Variants in SCN2A observed in about 807,000 individuals in gnomAD.
The protein encoded by SCN2A is sodium channel protein type 2 subunit alpha.
A neutral mutation model predicts 188.7 loss-of-function variants in SCN2A; 20 were observed. That is an observed-to-expected ratio of 0.11 (90% CI 0.07 to 0.15). The LOEUF is 0.15. Ranked by LOEUF, SCN2A falls within the 10% of genes least tolerant of loss-of-function variation. The probability of loss-of-function intolerance (pLI) is 1.00; values close to 1 mark genes in which losing one functional copy is unlikely to be tolerated. For synonymous variants in SCN2A, 804 were observed against 833.1 expected (o/e 0.97, Z 0.60); for missense variants, 1,278 against 2,445.0 (o/e 0.52, Z 10.07).
At chr2:165,383,369 T>G (rs1383856068) in intron 25 of SCN2A, among the ~76,000 whole-genome samples, 1 of 152,036 alleles carries the variant, frequency 6.6e-6, no homozygotes, top group Non-Finnish European at 1.5e-5. Flanking sequence ...AGAAGGGGAA[T>G]GAATTTGTGA....
intron 14 of SCN2A, among the ~76,000 whole-genome samples, chr2:165,336,693 C>A (rs1249646415): frequency 1.3e-5 from 2 of 151,958 alleles, no homozygotes; most frequent in East Asian, 1.9e-4. Context: ...GAATATATTA[C>A]AAGCCACTGA....
intron 17 of SCN2A, among the ~76,000 whole-genome samples, chr2:165,354,968 A>C (rs1372011914): frequency 6.6e-6 from 1 of 152,154 alleles, no homozygotes; most frequent in Admixed American, 6.5e-5. Context: ...AAAATGCCTC[A>C]ATTTCTCCAC....
At chr2:165,330,174 T>G (rs1407971956) in intron 13 of SCN2A, among the ~76,000 whole-genome samples, 1 of 152,168 alleles carries the variant, frequency 6.6e-6, no homozygotes. Context: ...AGTATTAAAG[T>G]GACTGACTAG....
At chr2:165,327,543 G>T (rs1698426694) in intron 13 of SCN2A, 1 of 155,618 alleles carries the variant, frequency 6.4e-6, no homozygotes, top group Non-Finnish European at 1.4e-5. Flanking sequence ...TAGCAGTCTG[G>T]ATCTCAGAAT....
rs181178548 is a variant in SCN2A at position 165,239,716 on chromosome 2, G to A, written c.-52+76G>A. On this transcript the variant is annotated intron_variant, in intron 1 of 26. Coordinates refer to ENST00000375437, the MANE Select transcript of SCN2A (RefSeq NM_001040142.2). ...TTAAGAATGACATTTAATATAAGAT[G>A]TGTGCTTTGTTAGCTTGTATTCAGA... The A allele has an allele frequency of 4.3e-5, 28 of 652,438 alleles. No homozygotes were observed. The Admixed American group carries it at 4.4e-4, about 10-fold the overall frequency. The allele number at this position is 652,438 out of a possible 1,614,324, so 40.4% of individuals were successfully genotyped here. A position where few individuals can be genotyped will look rare whatever the true frequency, so the allele number is the denominator to read the frequency against.
rs749068739 is a variant in SCN2A at position 165,291,482 on chromosome 2, CTTTCTTTCTTTT to C, written c.-51-4290_-51-4279del. Among the ~76,000 whole-genome samples the C allele has an allele frequency of 1.4e-3, 82 of 59,058 alleles. 2 individuals are homozygous for C. In the East Asian group the frequency reaches 0.019, roughly 14 times the overall value. 38.7% of individuals were successfully genotyped at this position (59,058 alleles called of 152,430 possible). A position where few individuals can be genotyped will look rare whatever the true frequency, so the allele number is the denominator to read the frequency against. The stretch of plus-strand genomic sequence containing the variant: ...TCTTTCTTTCTTTCTTTCTTTCTTT[CTTTCTTTCTTTT>C]CTTTCTTTCTTTCTTTCTTCCTCTC... On this transcript the variant is annotated intron_variant, in intron 1 of 26. Coordinates refer to ENST00000375437, the MANE Select transcript of SCN2A (RefSeq NM_001040142.2).
intron 1 of SCN2A, chr2:165,266,926 A>C (rs1694892970): frequency 6.6e-6 from 1 of 152,132 alleles, no homozygotes; most frequent in Admixed American, 6.6e-5. Context: ...AAAGCATCAA[A>C]AATATTGAGG....
intron 17 of SCN2A, among the ~76,000 whole-genome samples, chr2:165,358,246 A>G (rs565111538): frequency 6.6e-6 from 1 of 152,288 alleles, no homozygotes; most frequent in Admixed American, 6.5e-5. Flanking sequence ...TAAAAAAAAG[A>G]TAGCCCAGTT....
intron 1 of SCN2A, chr2:165,293,847 T>C: frequency 1.0e-6 from 1 of 985,030 alleles, no homozygotes; most frequent in Non-Finnish European, 1.2e-6. Context: ...TTCAGACATA[T>C]GTCTGTGTGT....
At chr2:165,330,680 C>T (rs1698626148) in intron 13 of SCN2A, among the ~76,000 whole-genome samples, 1 of 152,058 alleles carries the variant, frequency 6.6e-6, no homozygotes, top group Non-Finnish European at 1.5e-5. Context: ...ATGAGTTCCA[C>T]TTTGTGAAAT....
At chr2:165,365,514 T>C (rs1700683415) in intron 18 of SCN2A, among the ~76,000 whole-genome samples, 1 of 152,150 alleles carries the variant, frequency 6.6e-6, no homozygotes, top group Non-Finnish European at 1.5e-5. Flanking sequence ...TAATTAGATA[T>C]TTTCATTTTT....
chr2:165,307,003 T>C (rs182789257), intron 3 of SCN2A, among the ~76,000 whole-genome samples: 71 of 152,288 alleles, frequency 4.7e-4, no homozygotes, highest in Non-Finnish European at 2.6e-4. Context: ...ATAGTTGTTT[T>C]GGTTTTTGTC....
intron 11 of SCN2A, among the ~76,000 whole-genome samples, chr2:165,322,701 G>A (rs1698137652): frequency 6.6e-6 from 1 of 152,154 alleles, no homozygotes; most frequent in Non-Finnish European, 1.5e-5. Flanking sequence ...TTGCATCAGG[G>A]TGTGGTCACT....
rs747708969 is a variant in SCN2A at position 165,290,065 on chromosome 2, C to T, written c.-51-5708C>T. 3.6e-4 allele frequency among the ~76,000 whole-genome samples: 55 copies of T among 152,072 alleles called. 1 individual carries two copies. Among genetic ancestry groups the T allele is most frequent in the African/African-American group, 1.3e-3 (54 of 41,422 alleles). On this transcript the variant is annotated intron_variant, in intron 1 of 26. Transcript: ENST00000375437. ...TAAACTACTGAATTTCAGGATGCCT[C>T]TGTTTATTCCTGTTTCTTTATTTTT...
chr2:165,327,019 G>A (rs764530066), intron 13 of SCN2A, 35 bp downstream of exon 13: 77 of 1,612,744 alleles, frequency 4.8e-5, no homozygotes, highest in Middle Eastern at 3.3e-4. Flanking sequence ...GTTACTTGGT[G>A]CTTTGGTAAT....
At chr2:165,339,755 A>G (rs1699208221) in intron 14 of SCN2A, among the ~76,000 whole-genome samples, 1 of 152,212 alleles carries the variant, frequency 6.6e-6, no homozygotes, top group African/African-American at 2.4e-5. Flanking sequence ...CTATCAATTC[A>G]ACCCAATCCC....
intron 16 of SCN2A, among the ~76,000 whole-genome samples, chr2:165,352,298 T>A (rs1311072838): frequency 2.0e-5 from 3 of 151,848 alleles, no homozygotes; most frequent in Admixed American, 2.0e-4. Context: ...TTATCAGGAG[T>A]CATAGTATAG....
intron 17 of SCN2A, among the ~76,000 whole-genome samples, chr2:165,359,262 ATAAT>A (rs909443584): frequency 6.6e-6 from 1 of 152,128 alleles, no homozygotes; most frequent in African/African-American, 2.4e-5. Flanking sequence ...GGGACTACAG[ATAAT>A]TACTTTTTCC....
chr2:165,331,452 G>A lies in SCN2A; in HGVS notation c.2272G>A (p.Asp758Asn), dbSNP rs1698668904. 6 of 1,613,752 alleles carry A rather than the reference G, an allele frequency of 3.7e-6. No homozygotes were observed. The highest frequency in any genetic ancestry group is 5.1e-6 in the Non-Finnish European group (6 of 1,179,748). ...ACACCTTGTCAACCTGGTTGTAATGGACCCATTTGTTGACCTGGCCATCAC... is the reference window on the plus strand; with the variant it reads ...ACACCTTGTCAACCTGGTTGTAATGAACCCATTTGTTGACCTGGCCATCAC... ...VKHLVNLVVM[D>N]PFVDLAITIC... The change falls in exon 14 of 27, where the codon GAC becomes AAC. Residue 758 changes from aspartate (D) to asparagine (N), a missense_variant. Around this residue, in one of 17 missense-constraint regions of SCN2A, gnomAD observed 315 missense variants for 386.6 expected, o/e 0.81. Coordinates refer to ENST00000375437, the MANE Select transcript of SCN2A (RefSeq NM_001040142.2).
Sources: gnomAD v4.1 joint callset for allele counts (sites outside exome capture counted in the v4.1 genomes callset) on GRCh38, gnomAD v4.1.1 for gene constraint, gnomAD v4.1.1 regional missense constraint, MANE v1.5 for transcripts, NCBI Gene and HGNC (gene_info 2026-07-23, HGNC 2026-07-21) for gene names.